Variants in ITFG1 observed in about 807,000 individuals in gnomAD.
ITFG1 encodes the protein integrin alpha FG-GAP repeat containing 1, also known as T-cell immunomodulatory protein.
A neutral mutation model predicts 81.8 loss-of-function variants in ITFG1; 34 were observed. The observed-to-expected ratio is 0.42, with a 90% CI of 0.32 to 0.55. ITFG1 has a LOEUF of 0.55. Among genes scored for constraint, ITFG1 ranks in the 20% least tolerant of loss-of-function variants. ITFG1 has a pLI of 0.17. For missense variants in ITFG1, 672 were observed against 755.4 expected (o/e 0.89, Z 1.29); for synonymous variants, 285 against 270.6 (o/e 1.05, Z -0.52).
At chr16:47,334,486 G>A (rs1288439426) in intron 8 of ITFG1, among the ~76,000 whole-genome samples, 1 of 152,172 alleles carries the variant, frequency 6.6e-6, no homozygotes, top group African/African-American at 2.4e-5. Flanking sequence ...TTAAATATAG[G>A]AGCAGTGAAC....
rs188755645 is a variant in ITFG1, at chr16:47,160,081, C to T, written c.1662-1091G>A. On this transcript the variant is annotated intron_variant, in intron 16 of 17. Coordinates refer to ENST00000320640, the MANE Select transcript of ITFG1 (RefSeq NM_030790.5). The stretch of plus-strand genomic sequence containing the variant: ...TACTGTTAATTAGTTGAAAGCTACT[C>T]TTAGTGTTATACTCATACTTAAGAA... 4.6e-5 allele frequency among the ~76,000 whole-genome samples: 7 copies of T among 150,556 alleles called. No individual in the cohort carries two copies. The South Asian group carries it at 8.4e-4, about 18-fold the overall frequency.
intron 7 of ITFG1, among the ~76,000 whole-genome samples, chr16:47,367,449 T>A (rs999614062): frequency 6.6e-6 from 1 of 152,224 alleles, no homozygotes; most frequent in Non-Finnish European, 1.5e-5. Flanking sequence ...AGTCACATTC[T>A]GAAGTTATTT....
At chr16:47,289,779 A>C (rs1243847189) in intron 10 of ITFG1, among the ~76,000 whole-genome samples, 1 of 151,696 alleles carries the variant, frequency 6.6e-6, no homozygotes, top group Non-Finnish European at 1.5e-5. Flanking sequence ...AATTTATGTT[A>C]ATCTTTTCAA....
In ITFG1 at chr16:47,459,196, A is replaced by T. The variant is rs759773663; in HGVS notation, c.209-21T>A. The T allele has an allele frequency of 8.9e-6, 13 of 1,463,842 alleles. No individual in the cohort carries two copies. The African/African-American group carries it at 1.7e-4, about 19-fold the overall frequency. 90.7% of individuals were successfully genotyped at this position (1,463,842 alleles called of 1,614,324 possible). On this transcript the variant is annotated intron_variant, in intron 1 of 17. Coordinates refer to ENST00000320640, the MANE Select transcript of ITFG1 (RefSeq NM_030790.5). ...ATTTCCTAAAGAAAACAAATATATGATATTAGAAAAATGTTTGTTGATAAG... is the reference window on the plus strand; with the variant it reads ...ATTTCCTAAAGAAAACAAATATATGTTATTAGAAAAATGTTTGTTGATAAG...
chr16:47,367,642 T>C (rs978215621), intron 7 of ITFG1, among the ~76,000 whole-genome samples: 8 of 152,196 alleles, frequency 5.3e-5, no homozygotes, highest in African/African-American at 1.9e-4. Flanking sequence ...AGAAATGCTA[T>C]AACAAAAGCA....
upstream of ITFG1, chr16:47,461,168 CT>C: frequency 2.8e-6 from 3 of 1,058,846 alleles, no homozygotes; most frequent in South Asian, 1.7e-5. Flanking sequence ...CTGCCGGCTC[CT>C]TTTTCTCTCT....
At position 47,155,559 on chromosome 16, in the gene ITFG1, G is replaced by A. The variant is rs1169547648; in HGVS notation, c.*160C>T. On this transcript the variant is annotated 3_prime_UTR_variant, in exon 18 of 18. Coordinates refer to ENST00000320640, the MANE Select transcript of ITFG1 (RefSeq NM_030790.5). Reference sequence around the variant, plus strand: ...AAAGTGCTTTAAAAAAAAAGACCTTGTGACATATTCAAACCATATTTATTT... The same window carrying A: ...AAAGTGCTTTAAAAAAAAAGACCTTATGACATATTCAAACCATATTTATTT... 3.7e-6 allele frequency: 2 copies of A among 543,274 alleles called. No individual in the cohort carries two copies. The highest frequency in any genetic ancestry group is 6.4e-6 in the Non-Finnish European group (2 of 313,370). 33.7% of individuals were successfully genotyped at this position (543,274 alleles called of 1,614,324 possible).
At chr16:47,231,073 C>A (rs1460585086) in intron 13 of ITFG1, among the ~76,000 whole-genome samples, 1 of 152,166 alleles carries the variant, frequency 6.6e-6, no homozygotes, top group South Asian at 2.1e-4. Flanking sequence ...TAAGCACCAG[C>A]CCCTCTGTTA....
intron 10 of ITFG1, among the ~76,000 whole-genome samples, chr16:47,287,238 A>G (rs968010950): frequency 2.0e-5 from 3 of 151,996 alleles, no homozygotes; most frequent in African/African-American, 7.2e-5. Flanking sequence ...ATATATATAT[A>G]TTTACATATA....
At chr16:47,443,891 G>C (rs564257251) in intron 5 of ITFG1, among the ~76,000 whole-genome samples, 1 of 151,844 alleles carries the variant, frequency 6.6e-6, no homozygotes, top group African/African-American at 2.4e-5. Flanking sequence ...AAAACTTAAA[G>C]TATAATAATA....
chr16:47,429,452 T>A (rs919665816), intron 5 of ITFG1, among the ~76,000 whole-genome samples: 1 of 152,234 alleles, frequency 6.6e-6, no homozygotes, highest in African/African-American at 2.4e-5. Context: ...GGTATATACC[T>A]AGGAGTGGAA....
chr16:47,320,044 C>T (rs187559491), intron 8 of ITFG1, among the ~76,000 whole-genome samples: 2 of 152,292 alleles, frequency 1.3e-5, no homozygotes, highest in East Asian at 1.9e-4. Context: ...GCCTTGGCTT[C>T]CCAAGTACCC....
intron 12 of ITFG1, among the ~76,000 whole-genome samples, chr16:47,249,141 G>C (rs1320919673): frequency 6.6e-6 from 1 of 152,120 alleles, no homozygotes; most frequent in Non-Finnish European, 1.5e-5. Context: ...CTATGGGCTG[G>C]GCACAGTGGC....
chr16:47,215,404 A>G (rs1485087906), intron 14 of ITFG1, among the ~76,000 whole-genome samples: 1 of 152,262 alleles, frequency 6.6e-6, no homozygotes, highest in Admixed American at 6.5e-5. Context: ...GAAATACAGC[A>G]TATGTTTGAA....
intron 10 of ITFG1, among the ~76,000 whole-genome samples, chr16:47,289,203 C>G (rs372562924): frequency 2.6e-4 from 40 of 152,216 alleles, no homozygotes; most frequent in African/African-American, 7.5e-4. Context: ...GATAAATTCA[C>G]TTTGAACATG....
chr16:47,385,547 A>C (rs963391113), intron 6 of ITFG1, among the ~76,000 whole-genome samples: 1 of 152,272 alleles, frequency 6.6e-6, no homozygotes, highest in Non-Finnish European at 1.5e-5. Flanking sequence ...TATTAAAAAT[A>C]TTAAGGCTTC....
At chr16:47,337,927 TG>T (rs938926009) in intron 8 of ITFG1, among the ~76,000 whole-genome samples, 3 of 152,250 alleles carry the variant, frequency 2.0e-5, no homozygotes, top group African/African-American at 7.2e-5. Flanking sequence ...CTGCAAAGAC[TG>T]GGAAATATGA....
chr16:47,356,584 T>A (rs1467010996), intron 8 of ITFG1, among the ~76,000 whole-genome samples: 1 of 152,124 alleles, frequency 6.6e-6, no homozygotes, highest in African/African-American at 2.4e-5. Context: ...AAGTGATAAG[T>A]AGTAAAGGGC....
At chr16:47,184,470 T>C (rs980424142) in intron 14 of ITFG1, among the ~76,000 whole-genome samples, 1 of 152,118 alleles carries the variant, frequency 6.6e-6, no homozygotes, top group Non-Finnish European at 1.5e-5. Context: ...TGGGGGCCAA[T>C]ATTCAACATT....
Sources: gnomAD v4.1 joint callset for allele counts (sites outside exome capture counted in the v4.1 genomes callset) on GRCh38, gnomAD v4.1.1 for gene constraint, MANE v1.5 for transcripts, NCBI Gene and HGNC (gene_info 2026-07-23, HGNC 2026-07-21) for gene names.